CEACAM4: variants seen among roughly 807,000 people sequenced by gnomAD.
The protein encoded by CEACAM4 is CEA cell adhesion molecule 4, also known as cell adhesion molecule CEACAM4.
Under a neutral mutation model 28.7 loss-of-function variants are expected in CEACAM4, and 30 were observed. The observed-to-expected ratio is 1.05, with a 90% CI of 0.78 to 1.42. The LOEUF is 1.42. CEACAM4 is among the 40% of genes most tolerant of loss of function. The pLI, the probability that CEACAM4 is intolerant of heterozygous loss-of-function variation, is 0.00. For missense variants in CEACAM4, 330 were observed against 308.2 expected, an observed-to-expected ratio of 1.07 and a Z score of -0.53; for synonymous variants, 143 against 126.5, an observed-to-expected ratio of 1.13 and a Z score of -0.87.
Position 41,625,721 on chromosome 19 carries a change from A to G in CEACAM4, c.304T>C (p.Tyr102His). 6.2e-7 allele frequency: 1 copy of G among 1,614,012 alleles called. No individual in the cohort carries two copies. The highest frequency in any genetic ancestry group is 8.5e-7 in the Non-Finnish European group (1 of 1,179,982). ...GAAYSGRETV[Y>H]PNGSLLFQNI... ...TGGAACAGCAGGGATCCATTGGGGTATACTGTCTCTCGACCACTGTATGCG... is the reference window on the plus strand; with the variant it reads ...TGGAACAGCAGGGATCCATTGGGGTGTACTGTCTCTCGACCACTGTATGCG... Residue 102 changes from tyrosine (Y) to histidine (H), a missense_variant, in exon 2 of 7, where the codon TAC becomes CAC. Tyr to His is a moderately conservative substitution (Grantham distance 83). Coordinates refer to ENST00000221954, the MANE Select transcript of CEACAM4 (RefSeq NM_001817.4).
chr19:41,620,570 C>T lies in CEACAM4; in HGVS notation c.595+5G>A. On this transcript the variant is annotated splice_donor_5th_base_variant and intron_variant, in intron 4 of 6. Coordinates refer to ENST00000221954, the MANE Select transcript of CEACAM4 (RefSeq NM_001817.4). ...CTCCCACACCTGGGCTGAAGGGACA[C>T]TCACCAGGGGTGGAGGCTGGGGGCG... is the stretch of plus-strand genomic sequence containing the variant. The T allele has an allele frequency of 1.2e-6, 2 of 1,611,908 alleles. No individual in the cohort carries two copies. Among genetic ancestry groups the T allele is most frequent in the Non-Finnish European group, 1.7e-6 (2 of 1,178,774 alleles).
At chr19:41,621,583 G>C in intron 3 of CEACAM4, 68 bp downstream of exon 3, 1 of 804,084 alleles carries the variant, frequency 1.2e-6, no homozygotes, top group South Asian at 1.5e-5. Flanking sequence ...AATACAGGGC[G>C]GGGTCTCCCT....
chr19:41,617,572 C>T (rs1307744048), downstream of CEACAM4, among the ~76,000 whole-genome samples: 1 of 152,110 alleles, frequency 6.6e-6, no homozygotes. Flanking sequence ...CAGGTGCGTC[C>T]AAAATAACCA....
At chr19:41,617,965 C>A (rs74774333), downstream of CEACAM4, among the ~76,000 whole-genome samples, 1 of 111,750 alleles carries the variant, frequency 8.9e-6, no homozygotes, top group East Asian at 2.0e-4. Flanking sequence ...CAACCCATTG[C>A]GGGTTGTTTT....
At chr19:41,626,829 T>C in intron 1 of CEACAM4, 71 bp downstream of exon 1, 2 of 1,412,726 alleles carry the variant, frequency 1.4e-6, no homozygotes, top group Non-Finnish European at 2.0e-6. Flanking sequence ...CTCTATCCCC[T>C]CCTACCCAAG....
chr19:41,618,494 T>C (rs147353532), downstream of CEACAM4, among the ~76,000 whole-genome samples: 4 of 152,246 alleles, frequency 2.6e-5, no homozygotes, highest in East Asian at 1.9e-4. Flanking sequence ...GAGGAGAACC[T>C]AGTGGCCAGG....
At chr19:41,616,539 A>G (rs1029139786), downstream of CEACAM4, among the ~76,000 whole-genome samples, 2 of 151,216 alleles carry the variant, frequency 1.3e-5, no homozygotes, top group Non-Finnish European at 3.0e-5. Flanking sequence ...ATAGATAGAT[A>G]GATAGATATT....
At chr19:41,624,045 G>A (rs781888342) in intron 2 of CEACAM4, among the ~76,000 whole-genome samples, 4 of 152,152 alleles carry the variant, frequency 2.6e-5, no homozygotes, top group Non-Finnish European at 4.4e-5. Context: ...TTAGGCTCTA[G>A]AGGGACAGAA....
intron 5 of CEACAM4, 120 bp downstream of exon 5, chr19:41,620,091 G>T: frequency 1.1e-6 from 1 of 951,510 alleles, no homozygotes. Context: ...CACTCACTTT[G>T]ACCTGACTGT....
At chr19:41,624,680 ACT>A (rs1299499846) in intron 2 of CEACAM4, among the ~76,000 whole-genome samples, 2 of 152,016 alleles carry the variant, frequency 1.3e-5, no homozygotes, top group Non-Finnish European at 2.9e-5. Flanking sequence ...CCCTCATGTG[ACT>A]CTGCCAGCTG....
At chr19:41,620,071 T>A (rs2071170158) in intron 5 of CEACAM4, 140 bp downstream of exon 5, 1 of 781,846 alleles carries the variant, frequency 1.3e-6, no homozygotes, top group Middle Eastern at 2.4e-4. Context: ...GCCCGGATCC[T>A]GGCCGGAGGC....
In CEACAM4 at chr19:41,626,930, G is replaced by T; in HGVS notation, c.34C>A (p.His12Asn). 6.2e-7 allele frequency: 1 copy of T among 1,607,878 alleles called. No individual in the cohort carries two copies. The highest frequency in any genetic ancestry group is 8.5e-7 in the Non-Finnish European group (1 of 1,176,846). The change falls in exon 1 of 7, where the codon CAC becomes AAC. Residue 12 changes from histidine to asparagine, a missense_variant. His to Asn is a moderately conservative substitution (Grantham distance 68). Coordinates refer to ENST00000221954, the MANE Select transcript of CEACAM4 (RefSeq NM_001817.4). ...GPPSAAPRGG[H>N]RPWQGLLITA... ...ATCAGGAGCCCCTGCCAGGGCCTGT[G>T]CCCTCCACGGGGAGCGGCTGAGGGG...
At position 41,621,670 on chromosome 19, in the gene CEACAM4, G is replaced by A. The variant is rs1555801574; in HGVS notation, c.523C>T (p.Leu175Phe). ...ALVAALVCFL[L>F]LSRTGRASIQ... ...CGGTACCTTCCAGTCCTGGAGAGAA[G>A]CAGAAAACACACCAGGGCGGCCACC... Residue 175 changes from leucine (L) to phenylalanine (F), a missense_variant, in exon 3 of 7, where the codon CTT becomes TTT. Physicochemically the swap from Leu to Phe is conservative, Grantham distance 22 (BLOSUM62 0). Transcript: ENST00000221954. 1 of 1,603,322 alleles carries A rather than the reference G, an allele frequency of 6.2e-7. No homozygotes were observed. The highest frequency in any genetic ancestry group is 2.2e-5 in the East Asian group (1 of 44,818).
intron 2 of CEACAM4, among the ~76,000 whole-genome samples, chr19:41,622,087 T>A (rs79960666): frequency 6.7e-6 from 1 of 148,652 alleles, no homozygotes; most frequent in African/African-American, 2.5e-5. Context: ...TTTCTTTTTC[T>A]TTTTTTTTTG....
chr19:41,615,558 AG>A (rs2070974301), downstream of CEACAM4, among the ~76,000 whole-genome samples: 1 of 151,966 alleles, frequency 6.6e-6, no homozygotes, highest in African/African-American at 2.4e-5. Context: ...CTGGTGAGAG[AG>A]GGTTGCATGG....
intron 2 of CEACAM4, among the ~76,000 whole-genome samples, chr19:41,623,716 G>A (rs1250589176): frequency 6.6e-6 from 1 of 152,040 alleles, no homozygotes; most frequent in Non-Finnish European, 1.5e-5. Flanking sequence ...CCCCCAGCAG[G>A]TGAGGCTCTG....
chr19:41,619,844 T>G, intron 5 of CEACAM4, 133 bp from the exon 6 acceptor site: 1 of 773,324 alleles, frequency 1.3e-6, no homozygotes. Context: ...CCCTCAGGAT[T>G]GACCAGCTCT....
downstream of CEACAM4, among the ~76,000 whole-genome samples, chr19:41,616,518 TAGATA>T (rs2070985985): frequency 2.0e-5 from 3 of 151,582 alleles, no homozygotes; most frequent in South Asian, 4.2e-4. Context: ...GATAGATAGA[TAGATA>T]GATAGATAGA....
intron 2 of CEACAM4, among the ~76,000 whole-genome samples, chr19:41,622,665 A>G (rs1247760481): frequency 1.3e-5 from 2 of 152,118 alleles, no homozygotes; most frequent in African/African-American, 4.8e-5. Flanking sequence ...TTTTTACTGC[A>G]TTGTTCCTGA....
Sources: gnomAD v4.1 joint callset for allele counts (sites outside exome capture counted in the v4.1 genomes callset) on GRCh38, gnomAD v4.1.1 for gene constraint, MANE v1.5 for transcripts, NCBI Gene and HGNC (gene_info 2026-07-23, HGNC 2026-07-21) for gene names.